The following RUNDC3B variants were observed in gnomAD, a reference collection of about 807,000 sequenced individuals.
RUNDC3B encodes RUN domain containing 3B, also known as RUN domain-containing protein 3B.
RUNDC3B carries 33 observed loss-of-function variants against 58.4 expected under a neutral mutation model. The observed-to-expected ratio is 0.56, with a 90% confidence interval of 0.43 to 0.75. The LOEUF (loss-of-function observed/expected upper bound fraction) is 0.75, where lower values mean the gene tolerates loss of function less well. RUNDC3B is among the 30% of genes least tolerant of loss of function. The pLI is 0.00. For synonymous variants in RUNDC3B, 193 were observed against 195.2 expected (o/e 0.99, Z 0.10); for missense variants, 501 against 535.7 (o/e 0.94, Z 0.64).
At chr7:87,749,700 A>T (rs1326013488) in intron 6 of RUNDC3B, among the ~76,000 whole-genome samples, 2 of 152,074 alleles carry the variant, frequency 1.3e-5, no homozygotes, top group Non-Finnish European at 2.9e-5. Flanking sequence ...TTTAGGAAGT[A>T]ATACATATTC....
intron 1 of RUNDC3B, 158 bp downstream of exon 1, chr7:87,629,103 CAG>C: frequency 1.6e-6 from 1 of 642,624 alleles, no homozygotes; most frequent in Non-Finnish European, 2.3e-6. Flanking sequence ...GCTCCTTGGA[CAG>C]GGGCCCGGGT....
At chr7:87,821,482 T>TTTACC (rs1448969382) in intron 10 of RUNDC3B, among the ~76,000 whole-genome samples, 2 of 152,230 alleles carry the variant, frequency 1.3e-5, no homozygotes, top group African/African-American at 4.8e-5. Context: ...AATTTACAGA[T>TTTACC]TCAATGCCAC....
intron 7 of RUNDC3B, among the ~76,000 whole-genome samples, chr7:87,771,219 T>C (rs553807566): frequency 1.3e-5 from 2 of 152,208 alleles, no homozygotes; most frequent in South Asian, 4.1e-4. Flanking sequence ...CTGTATTTTC[T>C]ATTTTTCTCT....
intron 9 of RUNDC3B, among the ~76,000 whole-genome samples, chr7:87,812,602 C>G (rs948415822): frequency 1.3e-5 from 2 of 151,956 alleles, no homozygotes; most frequent in Admixed American, 6.6e-5. Context: ...GAGTGAGACT[C>G]CATCTCAAAT....
At chr7:87,793,694 A>C (rs958002338) in intron 8 of RUNDC3B, among the ~76,000 whole-genome samples, 1 of 152,198 alleles carries the variant, frequency 6.6e-6, no homozygotes, top group African/African-American at 2.4e-5. Context: ...CCTCAAAATA[A>C]TAAAAGCTAT....
intron 1 of RUNDC3B, among the ~76,000 whole-genome samples, chr7:87,642,511 A>C (rs1175594034): frequency 6.6e-6 from 1 of 152,066 alleles, no homozygotes; most frequent in Admixed American, 6.5e-5. Flanking sequence ...TTTAATTGGG[A>C]GTTCTTTCAT....
chr7:87,778,078 A>G (rs925426257), intron 8 of RUNDC3B, 123 bp downstream of exon 8: 1 of 760,828 alleles, frequency 1.3e-6, no homozygotes, highest in Non-Finnish European at 2.1e-6. Flanking sequence ...TTTCACCTAC[A>G]CTTTTTTGAA....
Position 87,700,350 on chromosome 7 carries a change from T to C in RUNDC3B, c.239-71T>C, listed in dbSNP as rs75352149. ...ATTACCTTTATTTTTCAGAATTTTATTGTTCTTGCATTTTCAAGTCTAGTT... is the reference window on the plus strand; with the variant it reads ...ATTACCTTTATTTTTCAGAATTTTACTGTTCTTGCATTTTCAAGTCTAGTT... On this transcript the variant is annotated intron_variant, in intron 2 of 10. Coordinates refer to ENST00000394654, the MANE Select transcript of RUNDC3B (RefSeq NM_001134405.2). 4.7e-4 allele frequency: 601 copies of C among 1,285,232 alleles called. 1 individual carries two copies. In the East Asian group the frequency reaches 7.1e-3, roughly 15 times the overall value. 79.6% of individuals were successfully genotyped at this position (1,285,232 alleles called of 1,614,324 possible).
At chr7:87,809,249 T>C (rs1836585446) in intron 9 of RUNDC3B, among the ~76,000 whole-genome samples, 1 of 152,126 alleles carries the variant, frequency 6.6e-6, no homozygotes, top group African/African-American at 2.4e-5. Flanking sequence ...TCCACCAACT[T>C]AAGAAGGGGC....
chr7:87,651,090 T>C (rs564125588), intron 2 of RUNDC3B, among the ~76,000 whole-genome samples, 153 bp downstream of exon 2: 7 of 152,324 alleles, frequency 4.6e-5, no homozygotes, highest in African/African-American at 1.4e-4. Flanking sequence ...CGAAAGAGCC[T>C]CTGTTCTCAG....
intron 2 of RUNDC3B, among the ~76,000 whole-genome samples, chr7:87,696,975 A>C (rs1828546250): frequency 6.6e-6 from 1 of 152,164 alleles, no homozygotes; most frequent in African/African-American, 2.4e-5. Context: ...TCTCTCCTCC[A>C]AAACAGGGCT....
At chr7:87,784,314 G>T (rs1835091638) in intron 8 of RUNDC3B, among the ~76,000 whole-genome samples, 1 of 152,136 alleles carries the variant, frequency 6.6e-6, no homozygotes, top group South Asian at 2.1e-4. Context: ...TAGAGTTCTT[G>T]TGCTAATTTT....
intron 2 of RUNDC3B, among the ~76,000 whole-genome samples, chr7:87,671,341 G>A (rs2130520851): frequency 6.6e-6 from 1 of 152,310 alleles, no homozygotes; most frequent in Admixed American, 6.5e-5. Context: ...TTCCCCTAGA[G>A]GCCCTGTCCA....
At chr7:87,734,804 C>T (rs1229960975) in intron 4 of RUNDC3B, among the ~76,000 whole-genome samples, 2 of 152,208 alleles carry the variant, frequency 1.3e-5, no homozygotes, top group Non-Finnish European at 2.9e-5. Context: ...CTCCCAGCTA[C>T]TTCCAGTAGA....
intron 2 of RUNDC3B, among the ~76,000 whole-genome samples, chr7:87,658,594 A>C (rs971944409): frequency 8.5e-5 from 13 of 152,234 alleles, no homozygotes; most frequent in African/African-American, 3.1e-4. Context: ...ACGATAATTA[A>C]ACCAATAAAT....
chr7:87,634,497 G>T (rs560444146), intron 1 of RUNDC3B, among the ~76,000 whole-genome samples: 2 of 130,648 alleles, frequency 1.5e-5, no homozygotes, highest in South Asian at 5.5e-4. Flanking sequence ...TGGGGGGTGG[G>T]GGGGGGGGCA....
intron 2 of RUNDC3B, among the ~76,000 whole-genome samples, chr7:87,692,539 G>A (rs1354545196): frequency 1.3e-5 from 2 of 152,142 alleles, no homozygotes; most frequent in Non-Finnish European, 2.9e-5. Flanking sequence ...TAAGGGGTTG[G>A]TTAAGAAGTG....
At chr7:87,792,853 C>G (rs1835598926) in intron 8 of RUNDC3B, among the ~76,000 whole-genome samples, 1 of 151,400 alleles carries the variant, frequency 6.6e-6, no homozygotes, top group Admixed American at 6.6e-5. Context: ...TAATAAAGTG[C>G]AGAATAAATG....
At chr7:87,650,798 G>A (rs1823497506) in intron 1 of RUNDC3B, 24 bp from the exon 2 acceptor site, 3 of 1,446,162 alleles carry the variant, frequency 2.1e-6, no homozygotes, top group Admixed American at 1.7e-5. Context: ...CTGCCTAAAA[G>A]CAACAATAAT....
Sources: allele counts gnomAD v4.1 joint callset (sites outside exome capture counted in the v4.1 genomes callset), GRCh38; gene constraint gnomAD v4.1.1; transcripts MANE v1.5; gene names NCBI Gene and HGNC (gene_info 2026-07-23, HGNC 2026-07-21).